Variants in MTUS2 observed in about 807,000 individuals in gnomAD.
MTUS2 encodes microtubule associated scaffold protein 2.
MTUS2 carries 40 observed loss-of-function variants against 114.1 expected under a neutral mutation model. The ratio of observed to expected loss-of-function variants is 0.35; its 90% CI spans 0.27 to 0.46. The LOEUF (loss-of-function observed/expected upper bound fraction) is 0.46, where lower values mean the gene tolerates loss of function less well. MTUS2 is among the 20% of genes least tolerant of loss of function. The pLI, the probability that MTUS2 is intolerant of heterozygous loss-of-function variation, is 1.00. For synonymous variants in MTUS2, 688 were observed against 672.0 expected (o/e 1.02, Z -0.37); for missense variants, 1,679 against 1,705.4 (o/e 0.98, Z 0.27).
intron 8 of MTUS2, among the ~76,000 whole-genome samples, chr13:29,431,743 G>A (rs1251800219): frequency 6.6e-6 from 1 of 152,172 alleles, no homozygotes; most frequent in Non-Finnish European, 1.5e-5. Flanking sequence ...ACATGAGAGG[G>A]GCAACCTCAT....
intron 2 of MTUS2, among the ~76,000 whole-genome samples, chr13:28,961,408 G>A (rs1883322716): frequency 1.3e-5 from 2 of 152,128 alleles, no homozygotes; most frequent in African/African-American, 2.4e-5. Context: ...TATCTATAGA[G>A]GAAAAACAAT....
At chr13:28,880,531 A>G (rs544033593) in intron 2 of MTUS2, among the ~76,000 whole-genome samples, 2 of 152,346 alleles carry the variant, frequency 1.3e-5, no homozygotes, top group South Asian at 4.1e-4. Flanking sequence ...AGGTTATAAT[A>G]AAAGGAAAAT....
intron 5 of MTUS2, among the ~76,000 whole-genome samples, chr13:29,171,382 A>C (rs17575628): frequency 1.3e-5 from 2 of 152,146 alleles, no homozygotes; most frequent in Non-Finnish European, 2.9e-5. Context: ...AGGTTGTTAC[A>C]CAGAAAGCAC....
At chr13:29,235,730 A>G (rs1896511371) in intron 5 of MTUS2, among the ~76,000 whole-genome samples, 1 of 152,172 alleles carries the variant, frequency 6.6e-6, no homozygotes, top group Non-Finnish European at 1.5e-5. Context: ...TGACTCATTG[A>G]CAGAATGAAT....
At chr13:29,273,568 G>A (rs559192729) in intron 5 of MTUS2, among the ~76,000 whole-genome samples, 16 of 152,070 alleles carry the variant, frequency 1.1e-4, no homozygotes, top group East Asian at 3.9e-4. Flanking sequence ...TTCAAGTACC[G>A]TAAAATTTAC....
intron 2 of MTUS2, among the ~76,000 whole-genome samples, chr13:28,876,283 A>G (rs989352492): frequency 2.0e-5 from 3 of 152,226 alleles, no homozygotes; most frequent in African/African-American, 4.8e-5. Flanking sequence ...TGAAGCAAAG[A>G]GACCATGTAT....
rs1028081483 is a variant in MTUS2, at chr13:29,453,484, T to G, written c.3184+13435T>G. On this transcript the variant is annotated intron_variant, in intron 9 of 15. Coordinates refer to ENST00000612955, the MANE Select transcript of MTUS2 (RefSeq NM_001033602.4). ...CTGAGCTCCTGAAATGCCTGTGTATTGGAGAGACAGACACATAGCAGGTCA... is the reference window on the plus strand; with the variant it reads ...CTGAGCTCCTGAAATGCCTGTGTATGGGAGAGACAGACACATAGCAGGTCA... Among the ~76,000 whole-genome samples the G allele has an allele frequency of 2.6e-5, 4 of 152,176 alleles. No homozygotes were observed. In the East Asian group the frequency reaches 5.8e-4, roughly 22 times the overall value.
intron 2 of MTUS2, among the ~76,000 whole-genome samples, chr13:28,911,360 G>C (rs184616610): frequency 6.6e-6 from 1 of 151,206 alleles, no homozygotes; most frequent in East Asian, 1.9e-4. Flanking sequence ...TATTTTAGTA[G>C]AGACCAGGTT....
intron 5 of MTUS2, among the ~76,000 whole-genome samples, chr13:29,129,742 G>T (rs1039966507): frequency 2.6e-5 from 4 of 152,164 alleles, no homozygotes; most frequent in Non-Finnish European, 5.9e-5. Context: ...GGAACTGCCT[G>T]TGCCCAGCAT....
chr13:29,043,630 G>GATAT (rs368476644), intron 4 of MTUS2, among the ~76,000 whole-genome samples: 1 of 148,948 alleles, frequency 6.7e-6, no homozygotes, highest in Non-Finnish European at 1.5e-5. Flanking sequence ...CAGTGTTAGA[G>GATAT]ATATATATAT....
At chr13:28,918,430 CTCT>C (rs1037087796) in intron 2 of MTUS2, among the ~76,000 whole-genome samples, 7 of 152,056 alleles carry the variant, frequency 4.6e-5, no homozygotes, top group African/African-American at 1.2e-4. Flanking sequence ...TGACCTTTGT[CTCT>C]TCTTACAGTT....
At chr13:29,091,274 T>A (rs2138777818) in intron 4 of MTUS2, among the ~76,000 whole-genome samples, 1 of 152,226 alleles carries the variant, frequency 6.6e-6, no homozygotes, top group Non-Finnish European at 1.5e-5. Context: ...ACTCAGGTAT[T>A]TATTTATAGT....
intron 5 of MTUS2, among the ~76,000 whole-genome samples, chr13:29,152,834 C>T (rs545467077): frequency 2.6e-5 from 4 of 152,198 alleles, no homozygotes; most frequent in South Asian, 2.1e-4. Context: ...TGAGTCCAGC[C>T]CACACTCAAG....
intron 4 of MTUS2, among the ~76,000 whole-genome samples, chr13:29,058,669 CG>C (rs1277184507): frequency 2.7e-5 from 4 of 149,200 alleles, no homozygotes; most frequent in Non-Finnish European, 5.9e-5. Context: ...CCCAGTAACT[CG>C]TCATTTAACA....
At chr13:28,975,809 T>G (rs756248756) in intron 2 of MTUS2, among the ~76,000 whole-genome samples, 5 of 152,214 alleles carry the variant, frequency 3.3e-5, no homozygotes, top group African/African-American at 4.8e-5. Flanking sequence ...ATTTTTTGCT[T>G]TCCATACCAG....
At chr13:29,106,940 C>A (rs763935106) in intron 5 of MTUS2, among the ~76,000 whole-genome samples, 14 of 152,056 alleles carry the variant, frequency 9.2e-5, no homozygotes, top group Non-Finnish European at 1.5e-4. Flanking sequence ...ATACTCCCAA[C>A]TAGCCAAATG....
chr13:29,140,344 G>A (rs1224959726), intron 5 of MTUS2, among the ~76,000 whole-genome samples: 6 of 152,150 alleles, frequency 3.9e-5, no homozygotes, highest in Non-Finnish European at 7.3e-5. Context: ...AGAATCTCAG[G>A]GCTAAGCAAC....
intron 5 of MTUS2, among the ~76,000 whole-genome samples, chr13:29,259,702 AAGC>A (rs1897399532): frequency 6.6e-6 from 1 of 152,234 alleles, no homozygotes. Context: ...ACACCCATCA[AAGC>A]GTTACTAATA....
chr13:29,262,187 G>T (rs908608196), intron 5 of MTUS2, among the ~76,000 whole-genome samples: 3 of 151,256 alleles, frequency 2.0e-5, no homozygotes, highest in South Asian at 2.1e-4. Flanking sequence ...TGCCTTCTTC[G>T]TTAAGCAGCT....
Sources: allele counts gnomAD v4.1 joint callset (sites outside exome capture counted in the v4.1 genomes callset), GRCh38; gene constraint gnomAD v4.1.1; transcripts MANE v1.5; gene names NCBI Gene and HGNC (gene_info 2026-07-23, HGNC 2026-07-21).